TRIM37: variants seen among roughly 807,000 people sequenced by gnomAD.
TRIM37 encodes E3 ubiquitin-protein ligase TRIM37.
In TRIM37, 80 loss-of-function variants were observed where a neutral mutation model predicts 129.8. The observed-to-expected ratio is 0.62, with a 90% CI of 0.51 to 0.74. The LOEUF (loss-of-function observed/expected upper bound fraction) is 0.74, where lower values mean the gene tolerates loss of function less well. Among genes scored for constraint, TRIM37 ranks in the 30% least tolerant of loss-of-function variants. The pLI is 0.00. For synonymous variants in TRIM37, 389 were observed against 387.1 expected (o/e 1.00, Z -0.06); for missense variants, 1,054 against 1,176.5 (o/e 0.90, Z 1.52).
intron 14 of TRIM37, among the ~76,000 whole-genome samples, chr17:59,050,601 G>T (rs374537525): frequency 6.6e-6 from 1 of 152,080 alleles, no homozygotes; most frequent in Non-Finnish European, 1.5e-5. Context: ...AAGATCACCC[G>T]AGCTTGGGAA....
chr17:59,032,550 A>AAAG (rs1555653843), intron 17 of TRIM37, among the ~76,000 whole-genome samples: 15 of 150,400 alleles, frequency 1.0e-4, no homozygotes, highest in African/African-American at 3.4e-4. Flanking sequence ...AAAAAAAAAA[A>AAAG]AAAGAAAGAA....
At chr17:59,032,195 A>C (rs892054056) in intron 17 of TRIM37, 105 bp from the exon 18 acceptor site, 4 of 1,213,126 alleles carry the variant, frequency 3.3e-6, no homozygotes, top group Non-Finnish European at 4.8e-6. Flanking sequence ...CTATGGACCT[A>C]TCTCTTAGGA....
downstream of TRIM37, among the ~76,000 whole-genome samples, chr17:58,994,779 G>A (rs1347433803): frequency 6.8e-6 from 1 of 146,544 alleles, no homozygotes; most frequent in Admixed American, 6.9e-5. Context: ...ACAGAGTTTC[G>A]CTCTTGTTGC....
chr17:59,052,762 G>A (rs1279687342), intron 13 of TRIM37, among the ~76,000 whole-genome samples: 4 of 151,884 alleles, frequency 2.6e-5, no homozygotes, highest in Admixed American at 1.3e-4. Context: ...CGAGACCAGC[G>A]TGGCCAACAT....
intron 9 of TRIM37, among the ~76,000 whole-genome samples, chr17:59,069,844 G>A (rs2042218911): frequency 6.6e-6 from 1 of 152,194 alleles, no homozygotes; most frequent in South Asian, 2.1e-4. Flanking sequence ...AGACACCAGA[G>A]ACTGATCTCT....
downstream of TRIM37, chr17:58,981,053 C>T (rs765101584): frequency 1.3e-6 from 2 of 1,498,492 alleles, no homozygotes; most frequent in Non-Finnish European, 1.8e-6. Context: ...AGTAGGTTAG[C>T]TAGCTCTCCC....
At chr17:59,020,152 G>C (rs958558996) in intron 19 of TRIM37, among the ~76,000 whole-genome samples, 3 of 134,502 alleles carry the variant, frequency 2.2e-5, no homozygotes, top group Non-Finnish European at 3.1e-5. Flanking sequence ...AAGTGCTTGA[G>C]CCCAAGAGAC....
rs1472861816 is a variant in TRIM37, at chr17:59,035,756, C to CA, written c.1754-3667dup. Among the ~76,000 whole-genome samples, 18 of 145,878 alleles carry CA rather than the reference C, an allele frequency of 1.2e-4. 1 individual carries two copies. Among genetic ancestry groups the CA allele is most frequent in the Middle Eastern group, 3.4e-3 (1 of 290 alleles). On this transcript the variant is annotated intron_variant, in intron 17 of 23. Coordinates refer to ENST00000262294, the MANE Select transcript of TRIM37 (RefSeq NM_015294.6). Reference sequence around the variant, plus strand: ...AGCGAGATTCAAAAAAACAAAAAAACAAAAAACCAAAAAAACAAAAAAACA... The same window carrying CA: ...AGCGAGATTCAAAAAAACAAAAAAACAAAAAAACCAAAAAAACAAAAAAACA...
intron 16 of TRIM37, among the ~76,000 whole-genome samples, chr17:59,046,402 A>G (rs1309584288): frequency 6.6e-6 from 1 of 152,212 alleles, no homozygotes; most frequent in African/African-American, 2.4e-5. Flanking sequence ...AGGATACATT[A>G]TCATTTCCGT....
At chr17:59,062,260 T>C (rs537038603) in intron 11 of TRIM37, among the ~76,000 whole-genome samples, 76 of 152,132 alleles carry the variant, frequency 5.0e-4, no homozygotes, top group African/African-American at 1.8e-3. Flanking sequence ...TGAAAGAAAA[T>C]ATGAGCCAAG....
intron 13 of TRIM37, among the ~76,000 whole-genome samples, chr17:59,055,706 A>G (rs2040799448): frequency 6.6e-6 from 1 of 151,438 alleles, no homozygotes; most frequent in Non-Finnish European, 1.5e-5. Flanking sequence ...AAAAAAAAAA[A>G]AAAGCTAAAT....
At position 59,104,328 on chromosome 17, in the gene TRIM37, G is replaced by A. The variant is rs944692437; in HGVS notation, c.88C>T (p.His30Tyr). Residue 30 changes from histidine to tyrosine, a missense_variant, in exon 2 of 24, where the codon CAT becomes TAT. Transcript: ENST00000262294. ...EKLRDARLCP[H>Y]CSKLCCFSCI... ...CTGAAACAACACAGTTTGGAGCAATGAGGACACAGGCGTGCATCCCGCAAT... is the reference window on the plus strand; with the variant it reads ...CTGAAACAACACAGTTTGGAGCAATAAGGACACAGGCGTGCATCCCGCAAT... 1 of 1,614,186 alleles carries A rather than the reference G, an allele frequency of 6.2e-7. No individual in the cohort carries two copies. The highest frequency in any genetic ancestry group is 8.5e-7 in the Non-Finnish European group (1 of 1,180,026).
Position 59,054,360 on chromosome 17 carries a change from G to C in TRIM37, c.1199+2515C>G, listed in dbSNP as rs147737130. Among the ~76,000 whole-genome samples the C allele has an allele frequency of 2.8e-3, 430 of 152,146 alleles. 2 individuals are homozygous for C. Among genetic ancestry groups the C allele is most frequent in the Admixed American group, 7.8e-3 (119 of 15,268 alleles). On this transcript the variant is annotated intron_variant, in intron 13 of 23. Transcript: ENST00000262294. ...CTTGTCGCCCAGGCTGGAGTGCACT[G>C]GTGAAATCTCGGCTCACTGCAACAT...
rs764216336 is a variant in TRIM37, at chr17:58,999,466, T to C, written c.2813-7A>G. The stretch of plus-strand genomic sequence containing the variant: ...GGAAAACTGGAATGTGTATCTATGA[T>C]TAAAAAATAAATAAAAAATTTAAAA... On this transcript the variant is annotated splice_region_variant and splice_polypyrimidine_tract_variant and intron_variant, in intron 23 of 23. Coordinates refer to ENST00000262294, the MANE Select transcript of TRIM37 (RefSeq NM_015294.6). 2 of 1,601,634 alleles carry C rather than the reference T, an allele frequency of 1.2e-6. No individual in the cohort carries two copies. The highest frequency in any genetic ancestry group is 8.5e-7 in the Non-Finnish European group (1 of 1,174,112).
At chr17:59,026,757 C>T (rs1316485197) in intron 19 of TRIM37, among the ~76,000 whole-genome samples, 1 of 152,180 alleles carries the variant, frequency 6.6e-6, no homozygotes, top group African/African-American at 2.4e-5. Flanking sequence ...ACCTCATTCA[C>T]TCTTCTGCTA....
intron 19 of TRIM37, among the ~76,000 whole-genome samples, chr17:59,026,509 T>A (rs546082809): frequency 6.6e-6 from 1 of 152,140 alleles, no homozygotes; most frequent in Non-Finnish European, 1.5e-5. Context: ...GCAAATCATA[T>A]ATGTGATAAA....
intron 23 of TRIM37, 92 bp from the exon 24 acceptor site, chr17:58,999,551 A>C (rs2033407801): frequency 9.3e-7 from 1 of 1,070,006 alleles, no homozygotes; most frequent in Middle Eastern, 3.0e-4. Context: ...AATCTTACCA[A>C]ATGTGTTATT....
At chr17:59,017,583 T>C (rs184674493) in intron 19 of TRIM37, among the ~76,000 whole-genome samples, 159 bp from the exon 20 acceptor site, 53 of 152,322 alleles carry the variant, frequency 3.5e-4, no homozygotes, top group Admixed American at 2.9e-3. Flanking sequence ...GTTTAGACTT[T>C]TGTCATAAAA....
At chr17:58,980,418 G>A, downstream of TRIM37, 6 of 1,614,120 alleles carry the variant, frequency 3.7e-6, no homozygotes, top group Non-Finnish European at 4.2e-6. The surrounding 1 kb of genome is among the most constrained non-coding windows in gnomAD (Gnocchi z 4.7). Flanking sequence ...TTCACTGATA[G>A]AACTAGCCTG....
Sources: allele counts gnomAD v4.1 joint callset (sites outside exome capture counted in the v4.1 genomes callset), GRCh38; gene constraint gnomAD v4.1.1; non-coding constraint Gnocchi (gnomAD v3.1); transcripts MANE v1.5; gene names NCBI Gene and HGNC (gene_info 2026-07-23, HGNC 2026-07-21).